PCBP3: variants seen among roughly 807,000 people sequenced by gnomAD.
PCBP3 encodes the protein poly(rC) binding protein 3, also known as poly(rC)-binding protein 3.
Under a neutral mutation model 52.7 loss-of-function variants are expected in PCBP3, and 25 were observed. The observed-to-expected ratio is 0.47, with a 90% CI of 0.35 to 0.66. The LOEUF (loss-of-function observed/expected upper bound fraction) is 0.66, where lower values mean the gene tolerates loss of function less well. Among genes scored for constraint, PCBP3 ranks in the 30% least tolerant of loss-of-function variants. The probability of loss-of-function intolerance (pLI) is 0.01; values close to 1 mark genes in which losing one functional copy is unlikely to be tolerated. For synonymous variants in PCBP3, 162 were observed against 183.0 expected, an observed-to-expected ratio of 0.89 and a Z score of 0.93; for missense variants, 391 against 490.3, an observed-to-expected ratio of 0.80 and a Z score of 1.91.
At position 45,829,765 on chromosome 21, in the gene PCBP3, TC is replaced by T; in HGVS notation, c.-125-20192del. ...GCTGCCCAGGCACCCTGCAGGGCCCTCCCCACCTGCCCCCCAGGCTCATACA... is the reference window on the plus strand; with the variant it reads ...GCTGCCCAGGCACCCTGCAGGGCCCTCCCACCTGCCCCCCAGGCTCATACA... On this transcript the variant is annotated intron_variant, in intron 4 of 17. Coordinates refer to ENST00000681687, the MANE Select transcript of PCBP3 (RefSeq NM_001384156.1). The surrounding 1 kb of genome is among the most constrained non-coding windows in gnomAD (Gnocchi z 5.2). 1 of 152,384 alleles carries T rather than the reference TC, an allele frequency of 6.6e-6. No homozygotes were observed. The highest frequency in any genetic ancestry group is 1.5e-5 in the Non-Finnish European group (1 of 68,104). 9.4% of individuals were successfully genotyped at this position (152,384 alleles called of 1,614,324 possible). A position where few individuals can be genotyped will look rare whatever the true frequency, so the allele number is the denominator to read the frequency against.
intron 2 of PCBP3, among the ~76,000 whole-genome samples, chr21:45,720,089 A>G (rs1310008827): frequency 6.6e-6 from 1 of 152,084 alleles, no homozygotes; most frequent in Non-Finnish European, 1.5e-5. Flanking sequence ...AAAATATTAT[A>G]CTCGAGTTCT....
intron 2 of PCBP3, among the ~76,000 whole-genome samples, chr21:45,703,369 A>G (rs1294374327): frequency 6.6e-6 from 1 of 152,264 alleles, no homozygotes; most frequent in Non-Finnish European, 1.5e-5. Context: ...TTGAAAGTCA[A>G]AATTACTCCT....
rs1040527588 is a variant in PCBP3, at chr21:45,802,295, C to T, written c.-126+46843C>T. 2.6e-5 allele frequency among the ~76,000 whole-genome samples: 4 copies of T among 152,106 alleles called. No individual in the cohort carries two copies. The highest frequency in any genetic ancestry group is 6.5e-5 in the Admixed American group (1 of 15,288). ...GGGTGAGCTAGCTGTCCGGCCCCTG[C>T]GTCAGCACCACCCCTTGCTGTGTTC... On this transcript the variant is annotated intron_variant, in intron 4 of 17. Coordinates refer to ENST00000681687, the MANE Select transcript of PCBP3 (RefSeq NM_001384156.1). The surrounding 1 kb of genome is among the most constrained non-coding windows in gnomAD (Gnocchi z 5.1).
rs58160661 is a variant in PCBP3, at chr21:45,853,582, C to A, written c.10+3487C>A. 9.9e-5 allele frequency among the ~76,000 whole-genome samples: 15 copies of A among 152,184 alleles called. No individual in the cohort carries two copies. Among genetic ancestry groups the A allele is most frequent in the Admixed American group, 8.5e-4 (13 of 15,292 alleles). On this transcript the variant is annotated intron_variant, in intron 5 of 17. Transcript: ENST00000681687. This position sits in a 1 kb window ranked among gnomAD's most constrained non-coding sequence, Gnocchi z 4.6. ...TTTCCATTGGTTACTTGGTGTACAC[C>A]CCTGTGAATGGAGAGGGTGTTCCTG...
chr21:45,674,213 A>G (rs1156342992), intron 2 of PCBP3, among the ~76,000 whole-genome samples: 1 of 152,148 alleles, frequency 6.6e-6, no homozygotes, highest in Non-Finnish European at 1.5e-5. Context: ...TACCTCCACA[A>G]TGTTTAGTTG....
rs563779337 is a variant in PCBP3, at chr21:45,912,460, C to G, written c.600+1430C>G. Among the ~76,000 whole-genome samples the G allele has an allele frequency of 1.6e-4, 24 of 152,310 alleles. No individual in the cohort carries two copies. In the South Asian group the frequency reaches 5.0e-3, roughly 32 times the overall value. ...CCTGGTTGATTGGAGGACTTCTGGGCTTGGTAGTGGGCATGCCTCACCTCA... is the reference window on the plus strand; with the variant it reads ...CCTGGTTGATTGGAGGACTTCTGGGGTTGGTAGTGGGCATGCCTCACCTCA... On this transcript the variant is annotated intron_variant, in intron 11 of 17. Transcript: ENST00000681687.
In PCBP3 at chr21:45,712,701, AT is replaced by A. The variant is rs908377850; in HGVS notation, c.-199-22678del. ...TCTTGTGAGGGTTGCTCTTTCTTTC[AT>A]TTTTTTTTTTTTCCTATTGAGACAG... On this transcript the variant is annotated intron_variant, in intron 2 of 17. Coordinates refer to ENST00000681687, the MANE Select transcript of PCBP3 (RefSeq NM_001384156.1). Among the ~76,000 whole-genome samples the A allele has an allele frequency of 5.3e-3, 751 of 140,964 alleles. 3 individuals carry two copies. Among genetic ancestry groups the A allele is most frequent in the African/African-American group, 0.013 (498 of 38,606 alleles). 92.5% of individuals were successfully genotyped at this position (140,964 alleles called of 152,430 possible).
chr21:45,798,029 G>A (rs1344177584), intron 4 of PCBP3, among the ~76,000 whole-genome samples: 1 of 143,616 alleles, frequency 7.0e-6, no homozygotes, highest in Non-Finnish European at 1.5e-5. Context: ...TGCGTACATG[G>A]ATGAATGCAT....
chr21:45,908,853 C>A (rs1124309), intron 9 of PCBP3, among the ~76,000 whole-genome samples: 121,686 of 152,078 alleles, frequency 0.8, 49,512 homozygotes, highest in East Asian at 1. Flanking sequence ...CAGCCTTCTC[C>A]CGCTTCTACA....
At chr21:45,856,807 ACTTTAG>A (rs1193206322) in intron 5 of PCBP3, among the ~76,000 whole-genome samples, 2 of 152,134 alleles carry the variant, frequency 1.3e-5, no homozygotes, top group African/African-American at 2.4e-5. Context: ...GGTTTTATTC[ACTTTAG>A]GGAGGCATGA....
chr21:45,896,083 TGGTG>T, intron 5 of PCBP3, 121 bp from the exon 6 acceptor site: 1 of 844,472 alleles, frequency 1.2e-6, no homozygotes, highest in African/African-American at 1.7e-5. Context: ...GGTCAGCACA[TGGTG>T]GGTGGGCAAC....
chr21:45,847,485 A>G (rs73380672), intron 4 of PCBP3, among the ~76,000 whole-genome samples: 4,154 of 152,176 alleles, frequency 0.027, 202 homozygotes, highest in African/African-American at 0.094. Flanking sequence ...TGGCTTGAGG[A>G]AGATTCTTTT....
At chr21:45,797,075 A>G (rs1256357943) in intron 4 of PCBP3, among the ~76,000 whole-genome samples, 1 of 152,196 alleles carries the variant, frequency 6.6e-6, no homozygotes, top group Non-Finnish European at 1.5e-5. Flanking sequence ...GGTTATCTGG[A>G]TGTTGTTTTG....
chr21:45,722,774 G>A (rs1204154971), intron 2 of PCBP3, among the ~76,000 whole-genome samples: 1 of 152,072 alleles, frequency 6.6e-6, no homozygotes, highest in African/African-American at 2.4e-5. Flanking sequence ...GGCCAAGTGG[G>A]GGTGGATCAT....
At chr21:45,806,433 A>G (rs1488820100) in intron 4 of PCBP3, among the ~76,000 whole-genome samples, 1 of 150,798 alleles carries the variant, frequency 6.6e-6, no homozygotes, top group Non-Finnish European at 1.5e-5. Flanking sequence ...CCCTGGCTCA[A>G]TGTGGCCCTG....
At chr21:45,716,743 G>A (rs4819144) in intron 2 of PCBP3, among the ~76,000 whole-genome samples, 30,634 of 152,110 alleles carry the variant, frequency 0.2, 3,393 homozygotes, top group Middle Eastern at 0.34. Context: ...ATGCCCATAT[G>A]ACAATGTATT....
At position 45,717,170 on chromosome 21, in the gene PCBP3, A is replaced by T. The variant is rs1240583317; in HGVS notation, c.-199-18222A>T. Among the ~76,000 whole-genome samples, 3 of 152,158 alleles carry T rather than the reference A, an allele frequency of 2.0e-5. No homozygotes were observed. The South Asian group carries it at 6.2e-4, about 31-fold the overall frequency. On this transcript the variant is annotated intron_variant, in intron 2 of 17. Transcript: ENST00000681687. The stretch of plus-strand genomic sequence containing the variant: ...GATTGTTCATTGCTAGTGTACAGAA[A>T]TACAATTACTTTTTGTATATTGATC...
At chr21:45,935,195 G>A in intron 15 of PCBP3, 58 bp from the exon 16 acceptor site, 1 of 1,188,986 alleles carries the variant, frequency 8.4e-7, no homozygotes, top group South Asian at 1.2e-5. Flanking sequence ...GACAGGCACT[G>A]GAGTGTGACT....
chr21:45,745,689 C>T (rs1048839960), intron 3 of PCBP3, among the ~76,000 whole-genome samples: 2 of 152,246 alleles, frequency 1.3e-5, no homozygotes, highest in African/African-American at 4.8e-5. Flanking sequence ...GCTGGGCAGC[C>T]TTGGGCTCAG....
Sources: allele counts gnomAD v4.1 joint callset (sites outside exome capture counted in the v4.1 genomes callset), GRCh38; gene constraint gnomAD v4.1.1; non-coding constraint Gnocchi (gnomAD v3.1); transcripts MANE v1.5; gene names NCBI Gene and HGNC (gene_info 2026-07-23, HGNC 2026-07-21).